ASGR2: variants seen among roughly 807,000 people sequenced by gnomAD.
ASGR2 encodes the protein asialoglycoprotein receptor 2.
In ASGR2, 34 loss-of-function variants were observed where a neutral mutation model predicts 32.3. The observed-to-expected ratio is 1.05, with a 90% CI of 0.80 to 1.40. The LOEUF is 1.40. Ranked by LOEUF, ASGR2 falls within the 40% of genes most tolerant of loss-of-function variation. The pLI, the probability that ASGR2 is intolerant of heterozygous loss-of-function variation, is 0.00. For synonymous variants in ASGR2, 143 were observed against 150.0 expected (o/e 0.95, Z 0.34); for missense variants, 385 against 386.4 (o/e 1.00, Z 0.03).
At chr17:7,103,094 A>T (rs1913093845) in intron 7 of ASGR2, among the ~76,000 whole-genome samples, 3 of 152,178 alleles carry the variant, frequency 2.0e-5, no homozygotes, top group Admixed American at 6.5e-5. Flanking sequence ...TTGTGGAGAA[A>T]GTGGAGAGGG....
chr17:7,110,943 C>T (rs1914542567), intron 2 of ASGR2, among the ~76,000 whole-genome samples: 1 of 152,144 alleles, frequency 6.6e-6, no homozygotes, highest in Non-Finnish European at 1.5e-5. Flanking sequence ...AGGCAGAGCC[C>T]AAGAGACTCC....
chr17:7,106,444 A>G (rs1388280950), intron 7 of ASGR2, among the ~76,000 whole-genome samples: 1 of 152,214 alleles, frequency 6.6e-6, no homozygotes, highest in Non-Finnish European at 1.5e-5. Context: ...TGACATTTTT[A>G]TAGGTCAAAA....
intron 7 of ASGR2, among the ~76,000 whole-genome samples, chr17:7,105,120 C>T (rs960048307): frequency 3.3e-5 from 5 of 151,790 alleles, no homozygotes; most frequent in African/African-American, 7.3e-5. Flanking sequence ...TTTTCAAAGC[C>T]AATAATTTTC....
rs1414957096 is a variant in ASGR2 at position 7,113,027 on chromosome 17, G to A, written c.124+1090C>T. On this transcript the variant is annotated intron_variant, in intron 2 of 8. Transcript: ENST00000691900. The surrounding 1 kb of genome is among the most constrained non-coding windows in gnomAD (Gnocchi z 5.1). ...TTTTTAATTTGCCAGGCACAGTGGT[G>A]CACACCTGTAAGTCCTAACTACTTG... Among the ~76,000 whole-genome samples, 1 of 152,014 alleles carries A rather than the reference G, an allele frequency of 6.6e-6. No individual in the cohort carries two copies. Among genetic ancestry groups the A allele is most frequent in the Non-Finnish European group, 1.5e-5 (1 of 67,994 alleles).
At chr17:7,102,654 C>T (rs1913017819) in intron 7 of ASGR2, among the ~76,000 whole-genome samples, 3 of 152,196 alleles carry the variant, frequency 2.0e-5, no homozygotes, top group Admixed American at 1.3e-4. Flanking sequence ...ACCCTGGTCC[C>T]TGCTCTTACT....
Position 7,108,568 on chromosome 17 carries a change from G to C in ASGR2, c.242-11C>G, listed in dbSNP as rs756616988. On this transcript the variant is annotated splice_polypyrimidine_tract_variant and intron_variant, in intron 3 of 8. Coordinates refer to ENST00000691900, the MANE Select transcript of ASGR2 (RefSeq NM_001201352.2). This position sits in a 1 kb window ranked among gnomAD's most constrained non-coding sequence, Gnocchi z 4.9. ...CTTGCAGCTGTGCACCTTGTCAGGT[G>C]GTAGTGGGGGCAGGATGAGGCAGAG... 6.2e-7 allele frequency: 1 copy of C among 1,606,416 alleles called. No individual in the cohort carries two copies.
At position 7,113,528 on chromosome 17, in the gene ASGR2, A is replaced by G. The variant is rs1915029879; in HGVS notation, c.124+589T>C. Among the ~76,000 whole-genome samples, 1 of 90,132 alleles carries G rather than the reference A, an allele frequency of 1.1e-5. No homozygotes were observed. Among genetic ancestry groups the G allele is most frequent in the Non-Finnish European group, 2.8e-5 (1 of 36,032 alleles). 59.1% of individuals were successfully genotyped at this position (90,132 alleles called of 152,430 possible). ...TACACAACGTACACACACACAACAT[A>G]CACACACTCATACACAACATACATA... On this transcript the variant is annotated intron_variant, in intron 2 of 8. Transcript: ENST00000691900. The surrounding 1 kb of genome is among the most constrained non-coding windows in gnomAD (Gnocchi z 5.1).
intron 2 of ASGR2, among the ~76,000 whole-genome samples, chr17:7,111,435 T>C (rs1914606345): frequency 1.3e-5 from 2 of 151,130 alleles, no homozygotes; most frequent in South Asian, 4.2e-4. Context: ...GGCGGGCAGA[T>C]CATGAGGTCA....
chr17:7,106,630 G>A (rs1348238590), intron 7 of ASGR2, among the ~76,000 whole-genome samples: 2 of 152,290 alleles, frequency 1.3e-5, no homozygotes, highest in African/African-American at 2.4e-5. Context: ...TCAGCCAGAC[G>A]CGGTGGTTCA....
In ASGR2 at chr17:7,108,749, C is replaced by G. The variant is rs754354920; in HGVS notation, c.241+23G>C. 1.2e-6 allele frequency: 2 copies of G among 1,614,026 alleles called. No individual in the cohort carries two copies. Among genetic ancestry groups the G allele is most frequent in the Non-Finnish European group, 1.7e-6 (2 of 1,179,918 alleles). ...CTCTTTCCCTACCCCTTGCCCATCC[C>G]TGCTGGCCCCCGTGACCCTCACTTT... On this transcript the variant is annotated intron_variant, in intron 3 of 8. Coordinates refer to ENST00000691900, the MANE Select transcript of ASGR2 (RefSeq NM_001201352.2). This position sits in a 1 kb window ranked among gnomAD's most constrained non-coding sequence, Gnocchi z 4.9.
Position 7,108,350 on chromosome 17 carries a change from G to A in ASGR2, c.337+112C>T, listed in dbSNP as rs1163124889. 13 of 1,139,298 alleles carry A rather than the reference G, an allele frequency of 1.1e-5. No homozygotes were observed. Among genetic ancestry groups the A allele is most frequent in the Admixed American group, 2.3e-5 (1 of 43,396 alleles). The allele number at this position is 1,139,298 out of a possible 1,614,324, so 70.6% of individuals were successfully genotyped here. On this transcript the variant is annotated intron_variant, in intron 4 of 8. Coordinates refer to ENST00000691900, the MANE Select transcript of ASGR2 (RefSeq NM_001201352.2). This position sits in a 1 kb window ranked among gnomAD's most constrained non-coding sequence, Gnocchi z 4.9. Reference sequence around the variant, plus strand: ...TATACATCCCCCAGGGCCCCTGGACGCCTTGCCCAGCCTGCACCCCCACGG... The same window carrying A: ...TATACATCCCCCAGGGCCCCTGGACACCTTGCCCAGCCTGCACCCCCACGG...
chr17:7,101,997 C>A (rs1478411850), intron 8 of ASGR2, 93 bp downstream of exon 8: 18 of 1,321,582 alleles, frequency 1.4e-5, no homozygotes, highest in Non-Finnish European at 1.9e-5. Context: ...GGAATTTGGT[C>A]CCTGAGGGAC....
At position 7,113,999 on chromosome 17, in the gene ASGR2, G is replaced by C; in HGVS notation, c.124+118C>G. Reference sequence around the variant, plus strand: ...AAGGTGAGGTGAGGGAACAAGCGGGGGTGTCGGGCCCTCCTCAGTCCCTGT... The same window carrying C: ...AAGGTGAGGTGAGGGAACAAGCGGGCGTGTCGGGCCCTCCTCAGTCCCTGT... On this transcript the variant is annotated intron_variant, in intron 2 of 8. Coordinates refer to ENST00000691900, the MANE Select transcript of ASGR2 (RefSeq NM_001201352.2). This position sits in a 1 kb window ranked among gnomAD's most constrained non-coding sequence, Gnocchi z 5.1. 6.9e-7 allele frequency: 1 copy of C among 1,446,758 alleles called. No homozygotes were observed. Among genetic ancestry groups the C allele is most frequent in the Non-Finnish European group, 9.3e-7 (1 of 1,069,588 alleles). The allele number at this position is 1,446,758 out of a possible 1,614,324, so 89.6% of individuals were successfully genotyped here. A position where few individuals can be genotyped will look rare whatever the true frequency, so the allele number is the denominator to read the frequency against.
rs901060238 is a variant in ASGR2 at position 7,107,145 on chromosome 17, T to C, written c.503A>G (p.Gln168Arg). ...QMELLHSNGS[Q>R]RTCCPVNWVE... is the part of the protein sequence containing the mutation. ...CCAGTTGACGGGGCAGCAGGTCCTT[T>C]GGGAGCCTGAGGGGACAGGGGGCAG... The change falls in exon 7 of 9, where the codon CAA becomes CGA. Residue 168 changes from glutamine (Q) to arginine (R), a missense_variant. Physicochemically the swap from Gln to Arg is conservative, Grantham distance 43. Coordinates refer to ENST00000691900, the MANE Select transcript of ASGR2 (RefSeq NM_001201352.2). This position sits in a 1 kb window ranked among gnomAD's most constrained non-coding sequence, Gnocchi z 5.0. 3.1e-6 allele frequency: 5 copies of C among 1,613,970 alleles called. No individual in the cohort carries two copies. The African/African-American group carries it at 4.0e-5, about 13-fold the overall frequency.
rs994488297 is a variant in ASGR2 at position 7,108,742 on chromosome 17, C to T, written c.241+30G>A. ...CCCATGTCTCTTTCCCTACCCCTTG[C>T]CCATCCCTGCTGGCCCCCGTGACCC... On this transcript the variant is annotated intron_variant, in intron 3 of 8. Coordinates refer to ENST00000691900, the MANE Select transcript of ASGR2 (RefSeq NM_001201352.2). The surrounding 1 kb of genome is among the most constrained non-coding windows in gnomAD (Gnocchi z 4.9). 2 of 1,613,970 alleles carry T rather than the reference C, an allele frequency of 1.2e-6. No homozygotes were observed. Among genetic ancestry groups the T allele is most frequent in the African/African-American group, 2.7e-5 (2 of 75,040 alleles).
At position 7,102,208 on chromosome 17, in the gene ASGR2, G is replaced by T. The variant is rs750138464; in HGVS notation, c.649-12C>A. ...TGTACAATGAATTTCTGGAAACACA[G>T]GCAAACAGGAAATTTCTAGTCTCTT... On this transcript the variant is annotated splice_polypyrimidine_tract_variant and intron_variant, in intron 7 of 8. Coordinates refer to ENST00000691900, the MANE Select transcript of ASGR2 (RefSeq NM_001201352.2). The T allele has an allele frequency of 3.7e-6, 6 of 1,606,502 alleles. No homozygotes were observed. The South Asian group carries it at 6.6e-5, about 18-fold the overall frequency.
intron 7 of ASGR2, among the ~76,000 whole-genome samples, chr17:7,106,089 A>G (rs992091367): frequency 6.6e-6 from 1 of 152,136 alleles, no homozygotes; most frequent in African/African-American, 2.4e-5. Flanking sequence ...ACCCGGCCTA[A>G]ATCAGCATTT....
chr17:7,106,614 T>C (rs566582841), intron 7 of ASGR2, among the ~76,000 whole-genome samples: 34 of 152,284 alleles, frequency 2.2e-4, no homozygotes, highest in African/African-American at 7.7e-4. Context: ...TAAAATACTT[T>C]GAAGTTCAGC....
Position 7,107,056 on chromosome 17 carries a change from T to A in ASGR2, c.592A>T (p.Lys198Ter), listed in dbSNP as rs1410536147. The A allele has an allele frequency of 6.2e-7, 1 of 1,614,108 alleles. No homozygotes were observed. ...HSGKAWAEAE[K>*]YCQLENAHLV... is the part of the protein sequence containing the mutation. ...TGTGCGTTCTCCAGCTGGCAGTACT[T>A]CTCCGCCTCAGCCCAGGCCTTCCCG... The change falls in exon 7 of 9, where the codon AAG becomes TAG. Residue 198 changes from lysine (K) to a stop codon, truncating the protein, a stop_gained. Coordinates refer to ENST00000691900, the MANE Select transcript of ASGR2 (RefSeq NM_001201352.2). LOFTEE classifies it high-confidence loss of function. This position sits in a 1 kb window ranked among gnomAD's most constrained non-coding sequence, Gnocchi z 5.0.
Sources: allele counts gnomAD v4.1 joint callset (sites outside exome capture counted in the v4.1 genomes callset), GRCh38; gene constraint gnomAD v4.1.1; non-coding constraint Gnocchi (gnomAD v3.1); transcripts MANE v1.5; gene names NCBI Gene and HGNC (gene_info 2026-07-23, HGNC 2026-07-21).